Variants in RBKS observed in about 807,000 individuals in gnomAD.
The protein encoded by RBKS is ribokinase.
RBKS carries 33 observed loss-of-function variants against 33.9 expected under a neutral mutation model. The observed-to-expected ratio is 0.97, with a 90% CI of 0.74 to 1.30. The LOEUF is 1.30. RBKS is among the 50% of genes most tolerant of loss of function. The pLI, the probability that RBKS is intolerant of heterozygous loss-of-function variation, is 0.00. For synonymous variants in RBKS, 125 were observed against 143.0 expected, an observed-to-expected ratio of 0.87 and a Z score of 0.90; for missense variants, 361 against 392.6, an observed-to-expected ratio of 0.92 and a Z score of 0.68.
At chr2:27,873,831 C>A (rs186844147) in intron 1 of RBKS, among the ~76,000 whole-genome samples, 7 of 150,194 alleles carry the variant, frequency 4.7e-5, no homozygotes, top group African/African-American at 9.8e-5. Context: ...GGGAAACAAA[C>A]AAAAAAAAAA....
intron 7 of RBKS, among the ~76,000 whole-genome samples, chr2:27,816,222 A>C (rs573909558): frequency 6.6e-6 from 1 of 152,384 alleles, no homozygotes; most frequent in South Asian, 2.1e-4. Context: ...AAGAAAGATA[A>C]TTTAAAATAT....
At chr2:27,822,284 T>C (rs751396206) in intron 7 of RBKS, among the ~76,000 whole-genome samples, 13 of 152,134 alleles carry the variant, frequency 8.5e-5, no homozygotes, top group Middle Eastern at 3.2e-3. Flanking sequence ...TCTGAGTACA[T>C]TTTGCAATAT....
At position 27,837,719 on chromosome 2, in the gene RBKS, A is replaced by G. The variant is rs1478159818; in HGVS notation, c.515-4942T>C. On this transcript the variant is annotated intron_variant, in intron 5 of 7. Coordinates refer to ENST00000302188, the MANE Select transcript of RBKS (RefSeq NM_022128.3). The surrounding 1 kb of genome is among the most constrained non-coding windows in gnomAD (Gnocchi z 4.0). The stretch of plus-strand genomic sequence containing the variant: ...AGGCCATAATCCTAATCAAATTAAA[A>G]TAAGAACAGAAAACCAAATACCACA... Among the ~76,000 whole-genome samples the G allele has an allele frequency of 6.6e-6, 1 of 152,200 alleles. No individual in the cohort carries two copies. Among genetic ancestry groups the G allele is most frequent in the Non-Finnish European group, 1.5e-5 (1 of 68,030 alleles).
chr2:27,860,896 C>T (rs1002399546), intron 1 of RBKS, among the ~76,000 whole-genome samples: 1 of 152,112 alleles, frequency 6.6e-6, no homozygotes, highest in Non-Finnish European at 1.5e-5. Context: ...TCACTTGACA[C>T]GAGGTTAACA....
At chr2:27,842,556 C>T (rs576352141) in intron 5 of RBKS, among the ~76,000 whole-genome samples, 8 of 152,232 alleles carry the variant, frequency 5.3e-5, no homozygotes, top group Non-Finnish European at 1.0e-4. Flanking sequence ...TGTATGTATG[C>T]ATGTATTTGT....
intron 5 of RBKS, among the ~76,000 whole-genome samples, chr2:27,842,649 T>C (rs1663532321): frequency 6.6e-6 from 1 of 152,028 alleles, no homozygotes; most frequent in Non-Finnish European, 1.5e-5. Flanking sequence ...AAGGGGCTGA[T>C]TCAGGAATTC....
chr2:27,813,943 A>G (rs1678040057), intron 7 of RBKS, among the ~76,000 whole-genome samples: 1 of 152,144 alleles, frequency 6.6e-6, no homozygotes, highest in Admixed American at 6.5e-5. Flanking sequence ...GTTCTGGTTC[A>G]GTGTGGTGGC....
intron 7 of RBKS, among the ~76,000 whole-genome samples, chr2:27,789,923 G>GTATATATATATATA (rs1677480219): frequency 6.2e-5 from 8 of 128,066 alleles, no homozygotes; most frequent in African/African-American, 2.3e-4. Flanking sequence ...GTGTTTGTGT[G>GTATATATATATATA]TGTATATATA....
At position 27,861,667 on chromosome 2, in the gene RBKS, G is replaced by GGGC. The variant is rs1553380070; in HGVS notation, c.90-3097_90-3096insGCC. ...TTAGTATGTTCCATTTCTTTTTGGG[G>GGGC]GGGGGGTGGAGTCTCACTTTGTCTC... is the stretch of plus-strand genomic sequence containing the variant. On this transcript the variant is annotated intron_variant, in intron 1 of 7. Transcript: ENST00000302188. 12 of 431,902 alleles carry GGGC rather than the reference G, an allele frequency of 2.8e-5. 1 individual carries two copies. The highest frequency in any genetic ancestry group is 4.4e-4 in the Middle Eastern group (1 of 2,264). The allele number at this position is 431,902 out of a possible 1,614,324, so 26.8% of individuals were successfully genotyped here. A position where few individuals can be genotyped will look rare whatever the true frequency, so the allele number is the denominator to read the frequency against.
At chr2:27,843,467 T>C (rs778849582) in intron 4 of RBKS, among the ~76,000 whole-genome samples, 51 of 152,228 alleles carry the variant, frequency 3.4e-4, no homozygotes, top group Admixed American at 1.1e-3. Flanking sequence ...TTAAAAAGAT[T>C]TTCCCAATAT....
chr2:27,867,769 G>A (rs1253376933), intron 1 of RBKS, among the ~76,000 whole-genome samples: 1 of 152,144 alleles, frequency 6.6e-6, no homozygotes, highest in Non-Finnish European at 1.5e-5. Context: ...AGAGGCAAGG[G>A]CAGGCAAAAT....
chr2:27,786,526 T>A (rs1225529133), intron 7 of RBKS, among the ~76,000 whole-genome samples: 1 of 152,184 alleles, frequency 6.6e-6, no homozygotes, highest in African/African-American at 2.4e-5. Flanking sequence ...CTCATGCCTA[T>A]AATACCAGCA....
intron 1 of RBKS, among the ~76,000 whole-genome samples, chr2:27,865,906 G>A (rs1664090682): frequency 6.6e-6 from 1 of 151,882 alleles, no homozygotes; most frequent in Non-Finnish European, 1.5e-5. Flanking sequence ...TGATGTAAAC[G>A]TCACAATACT....
At chr2:27,850,095 T>C (rs763274085) in intron 2 of RBKS, among the ~76,000 whole-genome samples, 10 of 152,294 alleles carry the variant, frequency 6.6e-5, no homozygotes, top group Middle Eastern at 6.8e-3. Context: ...AGGTTGTAAA[T>C]TGGTGGGCTG....
chr2:27,889,761 G>T (rs1213601344), intron 1 of RBKS, among the ~76,000 whole-genome samples: 1 of 152,152 alleles, frequency 6.6e-6, no homozygotes, highest in Admixed American at 6.5e-5. Flanking sequence ...CAGTCTTTTT[G>T]ATTTCTGCTC....
At chr2:27,812,079 G>A (rs1183647327) in intron 7 of RBKS, among the ~76,000 whole-genome samples, 1 of 151,936 alleles carries the variant, frequency 6.6e-6, no homozygotes, top group African/African-American at 2.4e-5. Flanking sequence ...TTTTTTTCTT[G>A]TAAATTTGTA....
chr2:27,821,284 A>AT (rs898745694), intron 7 of RBKS, among the ~76,000 whole-genome samples: 3 of 151,302 alleles, frequency 2.0e-5, no homozygotes, highest in African/African-American at 7.3e-5. Context: ...TCATTTCTTT[A>AT]TTTTTTTCGT....
intron 1 of RBKS, among the ~76,000 whole-genome samples, chr2:27,888,846 C>G (rs949663366): frequency 1.3e-5 from 2 of 152,150 alleles, no homozygotes; most frequent in Non-Finnish European, 2.9e-5. Context: ...TATTTACTAT[C>G]TGGCCCTTTA....
At chr2:27,849,168 A>C (rs1420472193) in intron 2 of RBKS, among the ~76,000 whole-genome samples, 1 of 152,156 alleles carries the variant, frequency 6.6e-6, no homozygotes, top group Non-Finnish European at 1.5e-5. Flanking sequence ...TGGGCTTTTC[A>C]GTTACATGAG....
Sources: allele counts gnomAD v4.1 joint callset (sites outside exome capture counted in the v4.1 genomes callset), GRCh38; gene constraint gnomAD v4.1.1; non-coding constraint Gnocchi (gnomAD v3.1); transcripts MANE v1.5; gene names NCBI Gene and HGNC (gene_info 2026-07-23, HGNC 2026-07-21).